The following MTNAP1 variants were observed in gnomAD, a reference collection of about 807,000 sequenced individuals.
MTNAP1 encodes the protein mitochondrial nucleoid-associated protein 1.
the MTNAP1 span, chr17:73,235,332 A>G: frequency 1.5e-6 from 1 of 649,920 alleles, no homozygotes; most frequent in African/African-American, 1.8e-5. Flanking sequence ...TTTTATACTC[A>G]TATAATGACT....
At chr17:73,235,343 A>T in the MTNAP1 span, 2 of 694,012 alleles carry the variant, frequency 2.9e-6, no homozygotes, top group Non-Finnish European at 4.6e-6. Context: ...TATAATGACT[A>T]GTTGACTTGC....
chr17:73,235,486 AG>A, the MTNAP1 span: 1 of 1,604,530 alleles, frequency 6.2e-7, no homozygotes, highest in South Asian at 1.1e-5. Flanking sequence ...GAATAGGATG[AG>A]TGATAATCCA....
the MTNAP1 span, chr17:73,237,142 C>G: frequency 2.3e-6 from 2 of 882,348 alleles, no homozygotes; most frequent in African/African-American, 1.7e-5. Context: ...TAAAGTTGTC[C>G]TGAAAGAGGC....
chr17:73,232,452 G>A, the MTNAP1 span: 2 of 871,552 alleles, frequency 2.3e-6, no homozygotes, highest in Non-Finnish European at 3.3e-6. Flanking sequence ...CCTCCCCTGG[G>A]GTGGCAGAAG....
chr17:73,245,133 C>T, the MTNAP1 span: 1 of 1,610,782 alleles, frequency 6.2e-7, no homozygotes. Context: ...GAAGTGGCCT[C>T]TCGGATCCTT....
At chr17:73,242,309 TC>T in the MTNAP1 span, 1 of 1,605,594 alleles carries the variant, frequency 6.2e-7, no homozygotes, top group Admixed American at 1.7e-5. Context: ...ACTTACAACC[TC>T]CAACTTCTCT....
chr17:73,233,244 C>G, the MTNAP1 span: 1 of 152,302 alleles, frequency 6.6e-6, no homozygotes, highest in Admixed American at 6.5e-5. Flanking sequence ...TTCATTCTGC[C>G]ACACTCGGGA....
At chr17:73,242,431 G>A in the MTNAP1 span, 1 of 906,820 alleles carries the variant, frequency 1.1e-6, no homozygotes, top group South Asian at 1.8e-5. Flanking sequence ...TGTTAAGCAA[G>A]GCTAAAGAGG....
At chr17:73,236,684 A>G in the MTNAP1 span, 5 of 1,614,202 alleles carry the variant, frequency 3.1e-6, no homozygotes, top group Non-Finnish European at 4.2e-6. Flanking sequence ...CCTGATGTAA[A>G]GGCATTAATG....
At chr17:73,233,928 C>A in the MTNAP1 span, among the ~76,000 whole-genome samples, 1 of 151,740 alleles carries the variant, frequency 6.6e-6, no homozygotes, top group Non-Finnish European at 1.5e-5. Flanking sequence ...AATCTGTTGG[C>A]AGAAAACAGT....
chr17:73,239,530 T>TTTC, the MTNAP1 span, among the ~76,000 whole-genome samples: 2 of 149,186 alleles, frequency 1.3e-5, no homozygotes, highest in Middle Eastern at 3.2e-3. Context: ...CTTTTTTTTT[T>TTTC]TTTCTTGAGA....
At chr17:73,246,261 C>T in the MTNAP1 span, among the ~76,000 whole-genome samples, 4 of 152,022 alleles carry the variant, frequency 2.6e-5, no homozygotes, top group Non-Finnish European at 5.9e-5. Context: ...ATGCTGGGTG[C>T]GGTGGCTCAC....
At chr17:73,236,249 A>C in the MTNAP1 span, 1 of 1,614,202 alleles carries the variant, frequency 6.2e-7, no homozygotes. Context: ...AAAGGCAGGG[A>C]TCACCTCTCA....
chr17:73,246,361 T>C, the MTNAP1 span, among the ~76,000 whole-genome samples: 3 of 151,598 alleles, frequency 2.0e-5, no homozygotes, highest in African/African-American at 7.3e-5. Context: ...GTGAAATCCA[T>C]CTCTACAAAA....
the MTNAP1 span, among the ~76,000 whole-genome samples, chr17:73,239,214 G>A: frequency 6.6e-6 from 1 of 152,100 alleles, no homozygotes; most frequent in African/African-American, 2.4e-5. Flanking sequence ...GGGATTACAG[G>A]TGTGAACCAC....
the MTNAP1 span, chr17:73,242,385 C>A: frequency 7.0e-7 from 1 of 1,434,384 alleles, no homozygotes; most frequent in Non-Finnish European, 9.5e-7. Flanking sequence ...TCTTCTGTTG[C>A]AGGTTCTGGG....
At chr17:73,238,921 C>CTGTGTG in the MTNAP1 span, among the ~76,000 whole-genome samples, 70,420 of 150,852 alleles carry the variant, frequency 0.47, 16,758 homozygotes, top group East Asian at 0.6. Flanking sequence ...CCATACTTTT[C>CTGTGTG]TGTGTGTGTG....
At chr17:73,239,392 C>T in the MTNAP1 span, among the ~76,000 whole-genome samples, 1,723 of 152,246 alleles carry the variant, frequency 0.011, 37 homozygotes, top group African/African-American at 0.039. Flanking sequence ...AGGGACCTGA[C>T]GTTTATCTGT....
the MTNAP1 span, among the ~76,000 whole-genome samples, chr17:73,234,681 CAAA>C: frequency 3.1e-5 from 3 of 98,014 alleles, no homozygotes; most frequent in East Asian, 2.9e-4. Flanking sequence ...GACTCTGTCT[CAAA>C]AAAAAAAAAA....
Sources: gnomAD v4.1 joint callset for allele counts (sites outside exome capture counted in the v4.1 genomes callset) on GRCh38, gnomAD v4.1.1 for gene constraint, MANE v1.5 for transcripts, NCBI Gene and HGNC (gene_info 2026-07-23, HGNC 2026-07-21) for gene names.